C12orf75: variants seen among roughly 807,000 people sequenced by gnomAD.
C12orf75 encodes overexpressed in colon carcinoma 1 protein.
A neutral mutation model predicts 11.4 loss-of-function variants in C12orf75; 4 were observed. The ratio of observed to expected loss-of-function variants is 0.35; its 90% CI spans 0.17 to 0.80. The LOEUF (loss-of-function observed/expected upper bound fraction) is 0.80, where lower values mean the gene tolerates loss of function less well. Among genes scored for constraint, C12orf75 ranks in the 30% least tolerant of loss-of-function variants. The pLI is 0.52. For missense variants in C12orf75, 89 were observed against 80.4 expected (o/e 1.11, Z -0.41); for synonymous variants, 30 against 30.0 (o/e 1.00, Z 0.00).
At chr12:105,345,009 A>C (rs1274705774) in intron 1 of C12orf75, among the ~76,000 whole-genome samples, 2 of 142,570 alleles carry the variant, frequency 1.4e-5, no homozygotes, top group Middle Eastern at 3.3e-3. Flanking sequence ...TGGCCAAGGT[A>C]ATTCCTAAGT....
intron 2 of C12orf75, among the ~76,000 whole-genome samples, chr12:105,351,832 A>G (rs1286020551): frequency 2.6e-5 from 4 of 151,998 alleles, no homozygotes; most frequent in Non-Finnish European, 5.9e-5. Flanking sequence ...CCTTGGGTGC[A>G]AGGCCAATAA....
intron 2 of C12orf75, among the ~76,000 whole-genome samples, chr12:105,356,464 T>G (rs1892782505): frequency 6.7e-6 from 1 of 150,368 alleles, no homozygotes; most frequent in Non-Finnish European, 1.5e-5. Context: ...TTTTTTTGCT[T>G]TTTAGATCAT....
intron 1 of C12orf75, among the ~76,000 whole-genome samples, chr12:105,336,151 G>A (rs1000061532): frequency 5.3e-5 from 8 of 152,224 alleles, no homozygotes; most frequent in East Asian, 1.9e-4. Flanking sequence ...TGGGCTTGGC[G>A]CATTTCAGGT....
At chr12:105,345,679 T>TTTTTG (rs1375191325) in intron 1 of C12orf75, among the ~76,000 whole-genome samples, 1 of 141,280 alleles carries the variant, frequency 7.1e-6, no homozygotes, top group African/African-American at 2.8e-5. Flanking sequence ...TTTTTTTTTT[T>TTTTTG]GAGACAGAGT....
intron 1 of C12orf75, among the ~76,000 whole-genome samples, chr12:105,347,034 T>A (rs1892649747): frequency 6.6e-6 from 1 of 152,234 alleles, no homozygotes; most frequent in African/African-American, 2.4e-5. Context: ...AAAGATACCT[T>A]TTACCCTCAT....
At chr12:105,334,657 G>C (rs1293616746) in intron 1 of C12orf75, among the ~76,000 whole-genome samples, 1 of 152,200 alleles carries the variant, frequency 6.6e-6, no homozygotes, top group Non-Finnish European at 1.5e-5. Context: ...TCATTTTAAA[G>C]TGTCACATTT....
intron 5 of C12orf75, among the ~76,000 whole-genome samples, chr12:105,367,876 G>A (rs1417864646): frequency 6.6e-6 from 1 of 152,152 alleles, no homozygotes; most frequent in African/African-American, 2.4e-5. Context: ...GATTAGAATC[G>A]ATTTTAAGTG....
chr12:105,363,858 T>TA (rs1194571216), intron 2 of C12orf75, among the ~76,000 whole-genome samples: 1 of 152,240 alleles, frequency 6.6e-6, no homozygotes, highest in African/African-American at 2.4e-5. Flanking sequence ...TCCTGCCAGT[T>TA]ATACATGTAA....
At chr12:105,357,553 A>AT (rs762093795) in intron 2 of C12orf75, among the ~76,000 whole-genome samples, 2 of 152,264 alleles carry the variant, frequency 1.3e-5, no homozygotes, top group South Asian at 4.2e-4. Flanking sequence ...GTCACCTTGA[A>AT]TAACACTTGT....
chr12:105,345,575 C>T (rs1592878877), intron 1 of C12orf75, among the ~76,000 whole-genome samples: 1 of 149,590 alleles, frequency 6.7e-6, no homozygotes, highest in Non-Finnish European at 1.5e-5. Context: ...GCAAAGCTGT[C>T]GTTTGTGGGG....
rs368566099 is a variant in C12orf75 at position 105,367,380 on chromosome 12, C to CATGT, written c.188-87_188-84dup. The CATGT allele has an allele frequency of 9.7e-4, 456 of 471,962 alleles. 3 individuals are homozygous for CATGT. Among genetic ancestry groups the CATGT allele is most frequent in the African/African-American group, 8.6e-3 (431 of 49,972 alleles). 29.2% of individuals were successfully genotyped at this position (471,962 alleles called of 1,614,324 possible). On this transcript the variant is annotated intron_variant, in intron 4 of 5. Transcript: ENST00000443585. ...ACTTTGTGATTTAGACTAGCAAATA[C>CATGT]ATGTATGTCATTACTGTTTAATGTT...
intron 5 of C12orf75, among the ~76,000 whole-genome samples, chr12:105,369,955 G>GT (rs1393936473): frequency 6.6e-6 from 1 of 152,124 alleles, no homozygotes; most frequent in Non-Finnish European, 1.5e-5. Context: ...TTTTGTTGTT[G>GT]TTGTTGTTTG....
At chr12:105,353,850 C>T (rs1161350855) in intron 2 of C12orf75, among the ~76,000 whole-genome samples, 2 of 152,126 alleles carry the variant, frequency 1.3e-5, no homozygotes, top group African/African-American at 4.8e-5. Flanking sequence ...GTGAATCTTA[C>T]TGAGATTCTT....
intron 2 of C12orf75, among the ~76,000 whole-genome samples, chr12:105,360,437 C>T (rs1892845845): frequency 6.6e-6 from 1 of 152,220 alleles, no homozygotes; most frequent in East Asian, 1.9e-4. Flanking sequence ...ATTCTGGATC[C>T]TCAGGGCTGA....
intron 2 of C12orf75, among the ~76,000 whole-genome samples, chr12:105,357,179 C>T (rs940043893): frequency 3.3e-5 from 5 of 152,124 alleles, no homozygotes; most frequent in Admixed American, 3.3e-4. Context: ...TGCATAACTA[C>T]CTAGAGAATC....
At chr12:105,341,027 T>A (rs925945557) in intron 1 of C12orf75, among the ~76,000 whole-genome samples, 7 of 152,240 alleles carry the variant, frequency 4.6e-5, no homozygotes, top group Non-Finnish European at 7.3e-5. Flanking sequence ...CATAGATTTC[T>A]GTTGTTTAAA....
At chr12:105,340,388 G>GCAATC (rs138664082) in intron 1 of C12orf75, among the ~76,000 whole-genome samples, 3,682 of 141,520 alleles carry the variant, frequency 0.026, 187 homozygotes, top group African/African-American at 0.091. Context: ...TCGTGCCACT[G>GCAATC]CAATCCAGCC....
At chr12:105,347,597 T>A (rs1051892910) in intron 1 of C12orf75, among the ~76,000 whole-genome samples, 20 of 152,240 alleles carry the variant, frequency 1.3e-4, no homozygotes, top group African/African-American at 4.8e-4. Context: ...CTGCCTGCTT[T>A]ATTCTAGCTG....
At chr12:105,355,039 C>A (rs1248623649) in intron 2 of C12orf75, among the ~76,000 whole-genome samples, 1 of 152,044 alleles carries the variant, frequency 6.6e-6, no homozygotes, top group East Asian at 1.9e-4. Flanking sequence ...AAAATAGTTC[C>A]AGGAACTATA....
Sources: allele counts gnomAD v4.1 joint callset (sites outside exome capture counted in the v4.1 genomes callset), GRCh38; gene constraint gnomAD v4.1.1; transcripts MANE v1.5; gene names NCBI Gene and HGNC (gene_info 2026-07-23, HGNC 2026-07-21).